The following TRIM24 variants were observed in gnomAD, a reference collection of about 807,000 sequenced individuals.
TRIM24 encodes tripartite motif containing 24.
Under a neutral mutation model 123.9 loss-of-function variants are expected in TRIM24, and 29 were observed. The ratio of observed to expected loss-of-function variants is 0.23; its 90% confidence interval spans 0.17 to 0.32. The LOEUF is 0.32. Among genes scored for constraint, TRIM24 ranks in the 10% least tolerant of loss-of-function variants. The probability of loss-of-function intolerance (pLI) is 1.00; values close to 1 mark genes in which losing one functional copy is unlikely to be tolerated. For missense variants in TRIM24, 932 were observed against 1,295.3 expected (o/e 0.72, Z 4.31); for synonymous variants, 456 against 461.1 (o/e 0.99, Z 0.14).
At chr7:138,491,762 G>C (rs188251898) in intron 1 of TRIM24, among the ~76,000 whole-genome samples, 34 of 152,280 alleles carry the variant, frequency 2.2e-4, no homozygotes, top group African/African-American at 6.7e-4. Context: ...CCACCATTTT[G>C]CATCGTGTCA....
intron 9 of TRIM24, among the ~76,000 whole-genome samples, chr7:138,559,531 CA>C: frequency 2.6e-5 from 4 of 152,218 alleles, no homozygotes; most frequent in African/African-American, 9.6e-5. Context: ...GCTCACGCTT[CA>C]GCCGTGCATA....
At chr7:138,492,092 C>T (rs1795799128) in intron 1 of TRIM24, among the ~76,000 whole-genome samples, 1 of 150,608 alleles carries the variant, frequency 6.6e-6, no homozygotes, top group Non-Finnish European at 1.5e-5. Context: ...AAAGGGAGAC[C>T]CTGTCTCTAC....
intron 1 of TRIM24, among the ~76,000 whole-genome samples, chr7:138,490,376 G>T (rs574375643): frequency 3.2e-4 from 49 of 152,180 alleles, no homozygotes; most frequent in Non-Finnish European, 4.1e-4. Flanking sequence ...GTTATTCTCC[G>T]TCCAGCTTTG....
chr7:138,532,998 G>C lies in TRIM24; in HGVS notation c.996+3768G>C, dbSNP rs1217605425. On this transcript the variant is annotated intron_variant, in intron 6 of 18. Coordinates refer to ENST00000343526, the MANE Select transcript of TRIM24 (RefSeq NM_015905.3). ...CAATTGTGAATGGGAGTTCACTCAT[G>C]ATTTGGCTCTCTGTTTGTCTGTTAT... Among the ~76,000 whole-genome samples, 3 of 152,150 alleles carry C rather than the reference G, an allele frequency of 2.0e-5. No homozygotes were observed. The East Asian group carries it at 5.8e-4, about 29-fold the overall frequency.
In TRIM24 at chr7:138,577,248, C is replaced by T. The variant is rs184284370; in HGVS notation, c.2088-172C>T. Among the ~76,000 whole-genome samples, 12 of 152,258 alleles carry T rather than the reference C, an allele frequency of 7.9e-5. No individual in the cohort carries two copies. The East Asian group carries it at 2.3e-3, about 29-fold the overall frequency. On this transcript the variant is annotated intron_variant, in intron 13 of 18. Transcript: ENST00000343526. ...AGGTTAATATGTAAAACATTTTTAT[C>T]ATAAATGAAACTTGCATACACCAGT...
Position 138,583,896 on chromosome 7 carries a change from C to T in TRIM24, c.2840C>T (p.Thr947Ile). ...KIIKNPMDLSTIKKRLQEDYS... is the reference protein window; with the variant it reads ...KIIKNPMDLSIIKKRLQEDYS... ...ATTAAAAATCCAATGGATTTGTCAA[C>T]CATCAAGAAAAGACTACAAGAAGAT... Residue 947 changes from threonine to isoleucine, a missense_variant, in exon 18 of 19, where the codon ACC becomes ATC. Thr to Ile is a moderately conservative substitution (Grantham distance 89, BLOSUM62 -1). Coordinates refer to ENST00000343526, the MANE Select transcript of TRIM24 (RefSeq NM_015905.3). 6.3e-7 allele frequency: 1 copy of T among 1,596,242 alleles called. No homozygotes were observed. Among genetic ancestry groups the T allele is most frequent in the Non-Finnish European group, 8.5e-7 (1 of 1,172,658 alleles).
At chr7:138,529,803 G>T (rs1211049359) in intron 6 of TRIM24, among the ~76,000 whole-genome samples, 1 of 152,078 alleles carries the variant, frequency 6.6e-6, no homozygotes, top group Non-Finnish European at 1.5e-5. Context: ...TCCAAACTTG[G>T]TGTTTGACTT....
intron 13 of TRIM24, among the ~76,000 whole-genome samples, chr7:138,576,711 AATG>A (rs1256969833): frequency 6.6e-6 from 1 of 152,226 alleles, no homozygotes; most frequent in Non-Finnish European, 1.5e-5. Flanking sequence ...AAAACATAAA[AATG>A]AATAGGCATA....
At chr7:138,532,775 T>C (rs565995768) in intron 6 of TRIM24, among the ~76,000 whole-genome samples, 14 of 152,246 alleles carry the variant, frequency 9.2e-5, no homozygotes, top group Non-Finnish European at 1.9e-4. Flanking sequence ...TCAACGGGGA[T>C]GGCATTGAAT....
At chr7:138,475,298 A>C (rs1795372575) in intron 1 of TRIM24, among the ~76,000 whole-genome samples, 1 of 152,218 alleles carries the variant, frequency 6.6e-6, no homozygotes, top group South Asian at 2.1e-4. Flanking sequence ...TTAGGACAAA[A>C]GCCCAAACCT....
In TRIM24 at chr7:138,460,581, G is replaced by GGCGGCA. The variant is rs1794936373; in HGVS notation, c.39_44dup (p.Ala14_Ala15dup). ...TGGCGGTGGAGAAGGCGGTGGCGGC[G>GGCGGCA]GCGGCAGCGGCCTCGGCTGCGGCCT... On this transcript the variant is annotated inframe_insertion, in exon 1 of 19. Transcript: ENST00000343526. 2 of 1,314,192 alleles carry GGCGGCA rather than the reference G, an allele frequency of 1.5e-6. No individual in the cohort carries two copies. The highest frequency in any genetic ancestry group is 1.9e-6 in the Non-Finnish European group (2 of 1,042,090). 81.4% of individuals were successfully genotyped at this position (1,314,192 alleles called of 1,614,324 possible).
At chr7:138,584,353 A>G (rs1458924524) in intron 18 of TRIM24, among the ~76,000 whole-genome samples, 1 of 152,088 alleles carries the variant, frequency 6.6e-6, no homozygotes, top group Non-Finnish European at 1.5e-5. Context: ...CTCATCTGTC[A>G]GTTCATCTAC....
intron 1 of TRIM24, among the ~76,000 whole-genome samples, chr7:138,470,276 G>T (rs186516835): frequency 6.6e-6 from 1 of 151,900 alleles, no homozygotes; most frequent in Admixed American, 6.6e-5. Flanking sequence ...GAGCATAGGC[G>T]TGTGCCACCA....
intron 7 of TRIM24, among the ~76,000 whole-genome samples, chr7:138,541,604 A>G (rs904015740): frequency 1.3e-5 from 2 of 152,194 alleles, no homozygotes; most frequent in Admixed American, 1.3e-4. Flanking sequence ...GCCCTAGGAT[A>G]TTTGGAATGG....
intron 1 of TRIM24, among the ~76,000 whole-genome samples, chr7:138,474,720 A>C (rs1223322504): frequency 1.3e-5 from 2 of 152,162 alleles, no homozygotes; most frequent in African/African-American, 4.8e-5. Flanking sequence ...TCCTTTCTCC[A>C]CTGCATTGTC....
chr7:138,531,210 C>A (rs13438568), intron 6 of TRIM24, among the ~76,000 whole-genome samples: 1 of 145,476 alleles, frequency 6.9e-6, no homozygotes, highest in East Asian at 1.9e-4. Context: ...TACATGTATA[C>A]GTGTATGTTA....
At chr7:138,527,006 C>G (rs1796624200) in intron 5 of TRIM24, among the ~76,000 whole-genome samples, 1 of 152,056 alleles carries the variant, frequency 6.6e-6, no homozygotes, top group African/African-American at 2.4e-5. Context: ...CTTACTGTTT[C>G]ACTGAGTATA....
chr7:138,510,162 A>G (rs1796255568), intron 2 of TRIM24, among the ~76,000 whole-genome samples: 1 of 152,238 alleles, frequency 6.6e-6, no homozygotes, highest in Non-Finnish European at 1.5e-5. Context: ...GAAGCCGACT[A>G]TGAGAATCAA....
intron 1 of TRIM24, among the ~76,000 whole-genome samples, chr7:138,492,273 C>CAAAAAA (rs34380067): frequency 1.3e-3 from 80 of 59,964 alleles, no homozygotes; most frequent in African/African-American, 5.7e-3. Flanking sequence ...ACTCTGTCTC[C>CAAAAAA]AAAAAAAAAA....
Sources: gnomAD v4.1 joint callset for allele counts (sites outside exome capture counted in the v4.1 genomes callset) on GRCh38, gnomAD v4.1.1 for gene constraint, MANE v1.5 for transcripts, NCBI Gene and HGNC (gene_info 2026-07-23, HGNC 2026-07-21) for gene names.